The following CACNA2D3 variants were observed in gnomAD, a reference collection of about 807,000 sequenced individuals.
The protein encoded by CACNA2D3 is calcium voltage-gated channel auxiliary subunit alpha2delta 3, also known as voltage-dependent calcium channel subunit alpha-2/delta-3.
A neutral mutation model predicts 160.6 loss-of-function variants in CACNA2D3; 60 were observed. The ratio of observed to expected loss-of-function variants is 0.37; its 90% confidence interval spans 0.30 to 0.46. The LOEUF (loss-of-function observed/expected upper bound fraction) is 0.46. Among genes scored for constraint, CACNA2D3 ranks in the 20% least tolerant of loss-of-function variants. The probability of loss-of-function intolerance (pLI) is 1.00; values close to 1 mark genes in which losing one functional copy is unlikely to be tolerated. For missense variants in CACNA2D3, 1,205 were observed against 1,365.0 expected (o/e 0.88, Z 1.85); for synonymous variants, 558 against 492.9 (o/e 1.13, Z -1.75).
chr3:54,160,658 G>A (rs1700328175), intron 2 of CACNA2D3, among the ~76,000 whole-genome samples: 1 of 152,148 alleles, frequency 6.6e-6, no homozygotes, highest in Non-Finnish European at 1.5e-5. Flanking sequence ...TGTCATATAT[G>A]TTTTTAGGCT....
chr3:54,989,079 C>T lies in CACNA2D3; in HGVS notation c.2690+1326C>T, dbSNP rs181830563. ...GCAGCAGCTCCTGGCCTGCCATCCA[C>T]GGCACCACTGACTTTTCCTATCTTT... On this transcript the variant is annotated intron_variant, in intron 31 of 37. Coordinates refer to ENST00000474759, the MANE Select transcript of CACNA2D3 (RefSeq NM_018398.3). 3.9e-3 allele frequency among the ~76,000 whole-genome samples: 590 copies of T among 152,326 alleles called. 4 individuals are homozygous for T. The highest frequency in any genetic ancestry group is 0.013 in the African/African-American group (537 of 41,584).
At chr3:54,629,429 A>G (rs1699187122) in intron 10 of CACNA2D3, among the ~76,000 whole-genome samples, 1 of 152,210 alleles carries the variant, frequency 6.6e-6, no homozygotes, top group African/African-American at 2.4e-5. Context: ...ACCTGTTGCC[A>G]CGAAGATGAC....
intron 35 of CACNA2D3, among the ~76,000 whole-genome samples, chr3:55,054,106 C>T (rs532536978): frequency 1.5e-4 from 22 of 151,316 alleles, no homozygotes; most frequent in African/African-American, 5.3e-4. Context: ...TCTTTAATTG[C>T]TCATGTTCTA....
At chr3:54,536,207 G>A (rs753694572) in intron 5 of CACNA2D3, among the ~76,000 whole-genome samples, 8 of 152,244 alleles carry the variant, frequency 5.3e-5, no homozygotes, top group African/African-American at 7.2e-5. Flanking sequence ...GTGGCATGCC[G>A]CATACACGAA....
rs140429795 is a variant in CACNA2D3 at position 54,916,401 on chromosome 3, A to G, written c.2449+16533A>G. Among the ~76,000 whole-genome samples, 425 of 152,300 alleles carry G rather than the reference A, an allele frequency of 2.8e-3. 2 individuals carry two copies. The highest frequency in any genetic ancestry group is 9.7e-3 in the African/African-American group (403 of 41,566). ...TTGAGCCATGTCCACTGAGTGGCCC[A>G]TGGAGAGGAGGTGCCAGGGCCTGGG... On this transcript the variant is annotated intron_variant, in intron 27 of 37. Coordinates refer to ENST00000474759, the MANE Select transcript of CACNA2D3 (RefSeq NM_018398.3).
chr3:54,696,291 G>A (rs570599930), intron 11 of CACNA2D3, among the ~76,000 whole-genome samples: 68 of 152,294 alleles, frequency 4.5e-4, no homozygotes, highest in African/African-American at 1.5e-3. Context: ...CGGTGGGCTG[G>A]AAGGTCCCCC....
intron 9 of CACNA2D3, among the ~76,000 whole-genome samples, chr3:54,593,420 G>T (rs1193438787): frequency 6.6e-6 from 1 of 151,876 alleles, no homozygotes; most frequent in African/African-American, 2.4e-5. Context: ...GAGGGGAGGG[G>T]AGGAGAGACG....
chr3:55,020,380 A>G (rs913943532), intron 35 of CACNA2D3, among the ~76,000 whole-genome samples: 1 of 148,772 alleles, frequency 6.7e-6, no homozygotes, highest in African/African-American at 2.5e-5. Context: ...TTGTGATTCT[A>G]TTTTCATAAA....
At chr3:54,901,741 T>A (rs149875682) in intron 27 of CACNA2D3, among the ~76,000 whole-genome samples, 1 of 152,358 alleles carries the variant, frequency 6.6e-6, no homozygotes, top group Non-Finnish European at 1.5e-5. Context: ...GTTACCCTTT[T>A]TCAAACTTTG....
At chr3:54,150,267 C>CT (rs951788979) in intron 2 of CACNA2D3, among the ~76,000 whole-genome samples, 1 of 152,008 alleles carries the variant, frequency 6.6e-6, no homozygotes, top group African/African-American at 2.4e-5. Flanking sequence ...CTAGTTTTTC[C>CT]TTTTCAGTTT....
intron 19 of CACNA2D3, 45 bp from the exon 20 acceptor site, chr3:54,879,305 C>T: frequency 6.9e-7 from 1 of 1,450,964 alleles, no homozygotes; most frequent in Non-Finnish European, 9.5e-7. Flanking sequence ...AGCAGACTAA[C>T]CATGTTTTCT....
intron 2 of CACNA2D3, among the ~76,000 whole-genome samples, chr3:54,241,649 A>T (rs190481449): frequency 1.3e-5 from 2 of 152,244 alleles, no homozygotes; most frequent in East Asian, 1.9e-4. Context: ...GGTCACATGG[A>T]TGTGGGAAGT....
intron 35 of CACNA2D3, among the ~76,000 whole-genome samples, chr3:55,036,387 C>G (rs922546416): frequency 1.3e-5 from 2 of 152,146 alleles, no homozygotes; most frequent in African/African-American, 4.8e-5. Flanking sequence ...ACGGAGGTTG[C>G]AGTGAGTTGA....
At chr3:54,447,525 G>T (rs1700241865) in intron 4 of CACNA2D3, among the ~76,000 whole-genome samples, 1 of 152,234 alleles carries the variant, frequency 6.6e-6, no homozygotes, top group Non-Finnish European at 1.5e-5. Context: ...GGTCTCATGT[G>T]ATGTGGCAGG....
chr3:54,736,558 A>G (rs886985921), intron 11 of CACNA2D3, among the ~76,000 whole-genome samples: 5 of 152,190 alleles, frequency 3.3e-5, no homozygotes, highest in African/African-American at 2.4e-5. Flanking sequence ...ATATTTCCCA[A>G]TACCCTTGTT....
At chr3:54,218,367 G>T (rs1559885851) in intron 2 of CACNA2D3, among the ~76,000 whole-genome samples, 1 of 152,190 alleles carries the variant, frequency 6.6e-6, no homozygotes, top group Non-Finnish European at 1.5e-5. Context: ...GACCAGTGGG[G>T]TCAGATGTCT....
chr3:54,597,341 A>G (rs1203592620), intron 9 of CACNA2D3, among the ~76,000 whole-genome samples: 1 of 151,458 alleles, frequency 6.6e-6, no homozygotes, highest in Non-Finnish European at 1.5e-5. Flanking sequence ...TCTCCATATC[A>G]CCTTGCCCTG....
At chr3:54,587,352 T>C (rs1297564074) in intron 9 of CACNA2D3, among the ~76,000 whole-genome samples, 1 of 151,444 alleles carries the variant, frequency 6.6e-6, no homozygotes, top group African/African-American at 2.4e-5. Flanking sequence ...AGGTCAGGAG[T>C]TGGAGACCAT....
At chr3:54,815,250 C>A (rs993360542) in intron 13 of CACNA2D3, among the ~76,000 whole-genome samples, 7 of 152,002 alleles carry the variant, frequency 4.6e-5, no homozygotes, top group Non-Finnish European at 8.8e-5. Flanking sequence ...ATTGGGAGAC[C>A]CGTATAAGAT....
Sources: allele counts gnomAD v4.1 joint callset (sites outside exome capture counted in the v4.1 genomes callset), GRCh38; gene constraint gnomAD v4.1.1; transcripts MANE v1.5; gene names NCBI Gene and HGNC (gene_info 2026-07-23, HGNC 2026-07-21).